The following RBFOX1 variants were observed in gnomAD, a reference collection of about 807,000 sequenced individuals.
RBFOX1 encodes RNA binding protein fox-1 homolog 1.
In RBFOX1, 8 loss-of-function variants were observed where a neutral mutation model predicts 57.7. The ratio of observed to expected loss-of-function variants is 0.14; its 90% CI spans 0.08 to 0.25. The LOEUF is 0.25. Ranked by LOEUF, RBFOX1 falls within the 10% of genes least tolerant of loss-of-function variation. The probability of loss-of-function intolerance (pLI) is 1.00; values close to 1 mark genes in which losing one functional copy is unlikely to be tolerated. For synonymous variants in RBFOX1, 326 were observed against 222.4 expected, an observed-to-expected ratio of 1.47 and a Z score of -4.15; for missense variants, 611 against 548.5, an observed-to-expected ratio of 1.11 and a Z score of -1.14.
chr16:6,205,888 G>A (rs1293909706), intron 1 of RBFOX1, among the ~76,000 whole-genome samples: 2 of 81,866 alleles, frequency 2.4e-5, no homozygotes, highest in African/African-American at 5.0e-5. Context: ...TTTTGGCTAT[G>A]TGGAGAGCGT....
Position 7,711,813 on chromosome 16 carries a change from A to T in RBFOX1, c.*1068A>T, listed in dbSNP as rs1450813385. 1 of 152,568 alleles carries T rather than the reference A, an allele frequency of 6.6e-6. No homozygotes were observed. The highest frequency in any genetic ancestry group is 1.5e-5 in the Non-Finnish European group (1 of 68,018). The allele number at this position is 152,568 out of a possible 1,614,324, so 9.5% of individuals were successfully genotyped here. On this transcript the variant is annotated 3_prime_UTR_variant, in exon 16 of 16. Transcript: ENST00000550418. ...TAATCATATTCGGATTTATAGAAGC[A>T]TTTTACAAGTATTGCAATCATTGAG...
chr16:6,530,825 C>A (rs1045601925), intron 2 of RBFOX1, among the ~76,000 whole-genome samples: 10 of 151,412 alleles, frequency 6.6e-5, no homozygotes, highest in African/African-American at 2.4e-4. Flanking sequence ...CCCCATGATT[C>A]AATTACCTTC....
intron 3 of RBFOX1, among the ~76,000 whole-genome samples, chr16:5,632,148 A>T (rs563430206): frequency 7.2e-5 from 11 of 152,334 alleles, no homozygotes; most frequent in Admixed American, 6.5e-4. Context: ...GGATGCAGGT[A>T]AGCTACTTCA....
chr16:7,559,667 G>T (rs890922144), intron 5 of RBFOX1, among the ~76,000 whole-genome samples: 1 of 152,178 alleles, frequency 6.6e-6, no homozygotes, highest in Non-Finnish European at 1.5e-5. Flanking sequence ...AATTAAGAAT[G>T]AATTTTCATG....
intron 2 of RBFOX1, among the ~76,000 whole-genome samples, chr16:5,562,210 T>C (rs958588601): frequency 6.6e-6 from 1 of 152,188 alleles, no homozygotes; most frequent in Non-Finnish European, 1.5e-5. Flanking sequence ...TCCAAGTTTA[T>C]TTCCGAGGAC....
chr16:7,141,833 C>T (rs1353643734), intron 4 of RBFOX1, among the ~76,000 whole-genome samples: 1 of 152,162 alleles, frequency 6.6e-6, no homozygotes, highest in Non-Finnish European at 1.5e-5. Context: ...TCTGACTGGA[C>T]ACCATGCTAC....
intron 4 of RBFOX1, among the ~76,000 whole-genome samples, chr16:7,266,040 T>C (rs2095126644): frequency 6.9e-6 from 1 of 145,024 alleles, no homozygotes; most frequent in Non-Finnish European, 1.5e-5. Context: ...AGTGGCGCTA[T>C]CTTGGCTCAC....
At chr16:7,604,524 T>C (rs1206026275) in intron 9 of RBFOX1, among the ~76,000 whole-genome samples, 1 of 152,168 alleles carries the variant, frequency 6.6e-6, no homozygotes, top group East Asian at 1.9e-4. Flanking sequence ...TATGAAGAGA[T>C]TGCCATGTGC....
chr16:5,856,215 ATGT>A (rs2057041961), intron 3 of RBFOX1, among the ~76,000 whole-genome samples: 1 of 59,562 alleles, frequency 1.7e-5, no homozygotes. Flanking sequence ...ATACATATAT[ATGT>A]ATATATATAT....
chr16:6,868,753 G>C (rs972705813), intron 3 of RBFOX1, among the ~76,000 whole-genome samples: 1 of 152,162 alleles, frequency 6.6e-6, no homozygotes, highest in African/African-American at 2.4e-5. Context: ...TTATAGGCAT[G>C]AGCCATTGCA....
At chr16:6,176,445 T>A (rs1020386760) in intron 1 of RBFOX1, among the ~76,000 whole-genome samples, 3 of 150,914 alleles carry the variant, frequency 2.0e-5, no homozygotes, top group African/African-American at 7.3e-5. Context: ...AGGCATGAGC[T>A]ACTGTGCCCA....
chr16:7,463,499 G>C (rs951558513), intron 4 of RBFOX1, among the ~76,000 whole-genome samples: 62 of 151,972 alleles, frequency 4.1e-4, no homozygotes, highest in African/African-American at 1.4e-3. Context: ...GTGAGACTTG[G>C]TCTCAAAAAA....
chr16:5,773,079 A>G (rs976590002), intron 3 of RBFOX1, among the ~76,000 whole-genome samples: 11 of 152,124 alleles, frequency 7.2e-5, no homozygotes, highest in African/African-American at 2.7e-4. Context: ...TTTGCTTACA[A>G]TGAGAGATGT....
chr16:7,177,930 G>C (rs1465711394), intron 4 of RBFOX1, among the ~76,000 whole-genome samples: 1 of 152,120 alleles, frequency 6.6e-6, no homozygotes, highest in Non-Finnish European at 1.5e-5. Flanking sequence ...TCCTTTTGTA[G>C]GTGTGCTCAG....
intron 1 of RBFOX1, among the ~76,000 whole-genome samples, chr16:5,362,019 C>T (rs887920322): frequency 4.6e-5 from 7 of 152,180 alleles, no homozygotes; most frequent in African/African-American, 1.7e-4. Flanking sequence ...ATTAATTGTG[C>T]CAACTGCATT....
Position 5,334,231 on chromosome 16 carries a change from C to G in RBFOX1, c.219+94126C>G, listed in dbSNP as rs1919051. Among the ~76,000 whole-genome samples, 1,206 of 152,226 alleles carry G rather than the reference C, an allele frequency of 7.9e-3. 18 individuals are homozygous for G. Among genetic ancestry groups the G allele is most frequent in the African/African-American group, 0.028 (1,147 of 41,524 alleles). Reference sequence around the variant, plus strand: ...TCTCTCCGGCCAGAGGAGAGGTTATCTCAGGGCTGGTATGTCTCTGCTCAG... The same window carrying G: ...TCTCTCCGGCCAGAGGAGAGGTTATGTCAGGGCTGGTATGTCTCTGCTCAG... On this transcript the variant is annotated intron_variant, in intron 1 of 2. Transcript: ENST00000585867.
intron 4 of RBFOX1, among the ~76,000 whole-genome samples, chr16:7,385,374 G>A (rs74012518): frequency 0.019 from 2,883 of 152,246 alleles, 77 homozygotes; most frequent in African/African-American, 0.057. Flanking sequence ...TGGAAGTACC[G>A]TTGTAGAAAA....
At chr16:5,526,790 T>C (rs1349771088) in intron 2 of RBFOX1, among the ~76,000 whole-genome samples, 3 of 152,194 alleles carry the variant, frequency 2.0e-5, no homozygotes, top group Non-Finnish European at 2.9e-5. Context: ...CACACTAGTG[T>C]CCATAACGTG....
At chr16:6,247,868 G>A (rs2097577916) in intron 1 of RBFOX1, among the ~76,000 whole-genome samples, 1 of 152,192 alleles carries the variant, frequency 6.6e-6, no homozygotes, top group Non-Finnish European at 1.5e-5. Flanking sequence ...TAGGAAAGCA[G>A]TGGCCACATT....
Sources: allele counts gnomAD v4.1 joint callset (sites outside exome capture counted in the v4.1 genomes callset), GRCh38; gene constraint gnomAD v4.1.1; transcripts MANE v1.5; gene names NCBI Gene and HGNC (gene_info 2026-07-23, HGNC 2026-07-21).